DBH: variants seen among roughly 807,000 people sequenced by gnomAD.
DBH encodes the protein dopamine beta-hydroxylase, also known as dopamine beta-hydroxylase (dopamine beta-monooxygenase).
DBH carries 49 observed loss-of-function variants against 64.0 expected under a neutral mutation model. The observed-to-expected ratio is 0.77, with a 90% CI of 0.61 to 0.97. The LOEUF (loss-of-function observed/expected upper bound fraction) is 0.97, where lower values mean the gene tolerates loss of function less well. Among genes scored for constraint, DBH ranks in the 50% least tolerant of loss-of-function variants. The pLI is 0.00. For synonymous variants in DBH, 343 were observed against 347.1 expected (o/e 0.99, Z 0.13); for missense variants, 828 against 826.6 (o/e 1.00, Z -0.02).
Position 133,636,687 on chromosome 9 carries a change from G to T in DBH, c.316G>T (p.Asp106Tyr), listed in dbSNP as rs148244950. ...ENADLVVLWT[D>Y]GDTAYFADAW... ...CGCAGATCTCGTGGTGCTCTGGACC[G>T]ATGGGGACACTGCCTATTTTGCGGT... is the stretch of plus-strand genomic sequence containing the variant. The change falls in exon 1 of 12, where the codon GAT (aspartate) becomes TAT (tyrosine). Residue 106 changes from aspartate to tyrosine, a missense_variant. Asp to Tyr is a radical substitution (Grantham distance 160). Coordinates refer to ENST00000393056, the MANE Select transcript of DBH (RefSeq NM_000787.4). 1 of 1,604,842 alleles carries T rather than the reference G, an allele frequency of 6.2e-7. No individual in the cohort carries two copies.
intron 6 of DBH, among the ~76,000 whole-genome samples, 169 bp downstream of exon 6, chr9:133,648,181 G>T (rs1356130604): frequency 6.6e-6 from 1 of 152,250 alleles, no homozygotes; most frequent in Non-Finnish European, 1.5e-5. Context: ...CCCTGCTGCT[G>T]AGAGGCCATT....
At chr9:133,642,500 C>T (rs767926617) in intron 3 of DBH, 36 bp downstream of exon 3, 5 of 1,573,830 alleles carry the variant, frequency 3.2e-6, no homozygotes, top group Non-Finnish European at 4.3e-6. Flanking sequence ...CCTCGCCCAG[C>T]CCTGCCTTCC....
At chr9:133,636,849 C>A in intron 1 of DBH, 139 bp downstream of exon 1, 2 of 823,454 alleles carry the variant, frequency 2.4e-6, no homozygotes, top group South Asian at 1.4e-5. Flanking sequence ...TGCTCTGAGC[C>A]AAGTCTGCAC....
At chr9:133,650,206 G>A (rs755601952) in intron 6 of DBH, among the ~76,000 whole-genome samples, 5 of 152,134 alleles carry the variant, frequency 3.3e-5, no homozygotes, top group East Asian at 1.9e-4. Flanking sequence ...TATAGGCGAC[G>A]GCAAGGTCAG....
In DBH at chr9:133,652,180, C is replaced by T; in HGVS notation, c.1336-66C>T. On this transcript the variant is annotated intron_variant, in intron 7 of 11. Coordinates refer to ENST00000393056, the MANE Select transcript of DBH (RefSeq NM_000787.4). ...GGAGGCCTGAGGGAGGACACAGTGG[C>T]CGGGGGTCTGGTCTGCAGCTCTCTG... is the stretch of plus-strand genomic sequence containing the variant. 4.4e-6 allele frequency: 7 copies of T among 1,592,970 alleles called. No homozygotes were observed. In the South Asian group the frequency reaches 7.7e-5, roughly 18 times the overall value.
chr9:133,647,923 G>A lies in DBH; in HGVS notation c.1102G>A (p.Gly368Arg). The A allele has an allele frequency of 6.2e-7, 1 of 1,614,146 alleles. No homozygotes were observed. The highest frequency in any genetic ancestry group is 1.3e-5 in the African/African-American group (1 of 75,058). The change falls in exon 6 of 12, where the codon GGA becomes AGA. Residue 368 changes from glycine (G) to arginine (R), a missense_variant. Coordinates refer to ENST00000393056, the MANE Select transcript of DBH (RefSeq NM_000787.4). The stretch of plus-strand genomic sequence containing the variant: ...CTTCAACGCGGGGATCATGGAGCTG[G>A]GACTGGTGTACACGCCAGTGATGGC... The part of the protein sequence containing the change: ...RRFNAGIMEL[G>R]LVYTPVMAIP...
At chr9:133,637,248 G>T (rs920364514) in intron 1 of DBH, among the ~76,000 whole-genome samples, 3 of 152,236 alleles carry the variant, frequency 2.0e-5, no homozygotes, top group Non-Finnish European at 2.9e-5. Context: ...CATAGGTGTT[G>T]AACAAGCCCC....
chr9:133,643,365 G>T lies in DBH; in HGVS notation c.745-48G>T. On this transcript the variant is annotated intron_variant, in intron 3 of 11. Coordinates refer to ENST00000393056, the MANE Select transcript of DBH (RefSeq NM_000787.4). This position sits in a 1 kb window ranked among gnomAD's most constrained non-coding sequence, Gnocchi z 5.3. ...CCATGGAGGAGGGCTGCTGGGGAGGGGAGGGTGGGCGGCCGGTTCCCGGGC... is the reference window on the plus strand; with the variant it reads ...CCATGGAGGAGGGCTGCTGGGGAGGTGAGGGTGGGCGGCCGGTTCCCGGGC... 6.2e-7 allele frequency: 1 copy of T among 1,604,996 alleles called. No individual in the cohort carries two copies. The highest frequency in any genetic ancestry group is 8.5e-7 in the Non-Finnish European group (1 of 1,173,030).
chr9:133,651,517 C>A, intron 6 of DBH, 117 bp from the exon 7 acceptor site: 1 of 1,302,522 alleles, frequency 7.7e-7, no homozygotes, highest in Non-Finnish European at 1.1e-6. Context: ...CTAGAAAATG[C>A]AAGTGTTCCA....
intron 6 of DBH, among the ~76,000 whole-genome samples, chr9:133,650,304 C>T (rs1439074563): frequency 6.6e-6 from 1 of 152,134 alleles, no homozygotes; most frequent in Non-Finnish European, 1.5e-5. Flanking sequence ...ATGGGGCTGT[C>T]GGGACCTTGA....
chr9:133,657,408 G>GGAGAGAGGAGAGAGAGGA (rs567810295), intron 11 of DBH, 179 bp downstream of exon 11: 9 of 421,822 alleles, frequency 2.1e-5, no homozygotes, highest in African/African-American at 2.6e-5. Context: ...CAGAGAGAGA[G>GGAGAGAGGAGAGAGAGGA]GAGAGAGGAG....
intron 11 of DBH, chr9:133,657,435 A>AGAGAGGGGAGAGAG: frequency 2.6e-6 from 1 of 382,994 alleles, no homozygotes; most frequent in Non-Finnish European, 4.8e-6. Flanking sequence ...GAGAGAGAGG[A>AGAGAGGGGAGAGAG]GAGAGAGGAG....
At chr9:133,641,121 G>A (rs1203382358) in intron 2 of DBH, among the ~76,000 whole-genome samples, 2 of 152,314 alleles carry the variant, frequency 1.3e-5, no homozygotes, top group Non-Finnish European at 2.9e-5. Flanking sequence ...AAGGGCAGGT[G>A]TAAACAACTC....
chr9:133,641,504 G>T (rs539785923), intron 2 of DBH, among the ~76,000 whole-genome samples: 1 of 152,176 alleles, frequency 6.6e-6, no homozygotes, highest in Admixed American at 6.5e-5. Context: ...TCGGCTTTCC[G>T]CAAACTCAAA....
At chr9:133,652,221 C>A (rs780444332) in intron 7 of DBH, 25 bp from the exon 8 acceptor site, 11 of 1,613,754 alleles carry the variant, frequency 6.8e-6, no homozygotes, top group East Asian at 4.5e-5. Context: ...TCCTCTCCCC[C>A]ACCCCTCGGC....
intron 11 of DBH, among the ~76,000 whole-genome samples, chr9:133,657,634 C>A (rs1832352609): frequency 6.6e-6 from 1 of 152,188 alleles, no homozygotes. Flanking sequence ...GCGCACTAAC[C>A]TGCCTAAAAA....
At chr9:133,654,379 G>A (rs1259057966) in intron 9 of DBH, among the ~76,000 whole-genome samples, 1 of 152,194 alleles carries the variant, frequency 6.6e-6, no homozygotes, top group African/African-American at 2.4e-5. Flanking sequence ...ATAGCACCCA[G>A]CCAGTGTTTG....
chr9:133,642,485 G>A (rs761129259), intron 3 of DBH, 21 bp downstream of exon 3: 7 of 1,589,180 alleles, frequency 4.4e-6, no homozygotes, highest in African/African-American at 2.7e-5. Flanking sequence ...GTCCAGGGCC[G>A]AGGTCCTCGC....
chr9:133,642,251 C>T lies in DBH; in HGVS notation c.531C>T (p.Phe177=), dbSNP rs1397344602. 2 of 1,613,838 alleles carry T rather than the reference C, an allele frequency of 1.2e-6. No homozygotes were observed. Among genetic ancestry groups the T allele is most frequent in the Non-Finnish European group, 1.7e-6 (2 of 1,180,022 alleles). ...TCTACGGGATCCTGGAGGAGCCGTT[C>T]CGGTCACTGGAGGCCATCAACGGCT... ...HLVYGILEEP[F]RSLEAINGSG... The change falls in exon 3 of 12, where the codon TTC becomes TTT. Residue 177 remains phenylalanine, a synonymous_variant. Transcript: ENST00000393056.
Sources: gnomAD v4.1 joint callset for allele counts (sites outside exome capture counted in the v4.1 genomes callset) on GRCh38, gnomAD v4.1.1 for gene constraint, Gnocchi (gnomAD v3.1) non-coding constraint, MANE v1.5 for transcripts, NCBI Gene and HGNC (gene_info 2026-07-23, HGNC 2026-07-21) for gene names.